Variants in MMRN1 observed in about 807,000 individuals in gnomAD.
The protein encoded by MMRN1 is multimerin 1, also known as multimerin-1.
Under a neutral mutation model 100.7 loss-of-function variants are expected in MMRN1, and 94 were observed. That is an observed-to-expected ratio of 0.93 (90% CI 0.79 to 1.11). The LOEUF is 1.11. Ranked by LOEUF, MMRN1 falls within the 50% of genes least tolerant of loss-of-function variation. MMRN1 has a pLI of 0.00. For synonymous variants in MMRN1, 575 were observed against 505.0 expected (o/e 1.14, Z -1.86); for missense variants, 1,606 against 1,439.1 (o/e 1.12, Z -1.88).
intron 4 of MMRN1, among the ~76,000 whole-genome samples, chr4:89,925,820 C>A (rs1242331272): frequency 6.6e-6 from 1 of 152,114 alleles, no homozygotes; most frequent in Non-Finnish European, 1.5e-5. Context: ...GATAACCATC[C>A]TTGTACTCTC....
chr4:89,915,612 A>G lies in MMRN1; in HGVS notation c.850+3562A>G, dbSNP rs190968405. The stretch of plus-strand genomic sequence containing the variant: ...AATCCATCTAATTAAAAAAAAAAGC[A>G]TCTAATAAGGAAGCTGTTGCTCCTA... On this transcript the variant is annotated intron_variant, in intron 3 of 7. Coordinates refer to ENST00000264790, the MANE Select transcript of MMRN1 (RefSeq NM_007351.3). 2.6e-3 allele frequency among the ~76,000 whole-genome samples: 387 copies of G among 151,554 alleles called. 3 individuals carry two copies. Among genetic ancestry groups the G allele is most frequent in the African/African-American group, 9.1e-3 (375 of 41,434 alleles).
intron 3 of MMRN1, among the ~76,000 whole-genome samples, chr4:89,918,165 A>G (rs931341886): frequency 6.6e-6 from 1 of 150,854 alleles, no homozygotes; most frequent in African/African-American, 2.4e-5. Context: ...CAATTAATAT[A>G]TATTCATTTA....
intron 4 of MMRN1, among the ~76,000 whole-genome samples, chr4:89,927,481 T>C (rs190689103): frequency 2.0e-5 from 3 of 152,192 alleles, no homozygotes; most frequent in Non-Finnish European, 2.9e-5. Context: ...GCAATTTTAC[T>C]GAATTCATTT....
intron 1 of MMRN1, among the ~76,000 whole-genome samples, chr4:89,906,044 G>A (rs1164899412): frequency 6.6e-6 from 1 of 151,406 alleles, no homozygotes; most frequent in Non-Finnish European, 1.5e-5. Context: ...ATTATTTAAA[G>A]CCATCTTTTT....
intron 1 of MMRN1, among the ~76,000 whole-genome samples, chr4:89,905,110 TAA>T (rs1258843440): frequency 2.0e-5 from 3 of 151,600 alleles, no homozygotes; most frequent in African/African-American, 7.3e-5. Context: ...TAAAAAAATA[TAA>T]GACTAACTTT....
At chr4:89,926,373 TG>T (rs76537079) in intron 4 of MMRN1, among the ~76,000 whole-genome samples, 13,952 of 152,244 alleles carry the variant, frequency 0.092, 844 homozygotes, top group East Asian at 0.3. Flanking sequence ...GTTTCTCTGA[TG>T]ATCAGTTATG....
Position 89,934,910 on chromosome 4 carries a change from C to T in MMRN1, c.1230C>T (p.Phe410=). Residue 410 remains phenylalanine, a synonymous_variant, in exon 6 of 8, where the codon TTC becomes TTT. Transcript: ENST00000264790. ...NDMQETVAQL[F]KTVSSLSEDL... is the part of the protein sequence containing the mutation. ...TGCAAGAGACTGTAGCACAGCTCTT[C>T]AAGACTGTATCAAGTCTATCAGAGG... 1 of 1,612,926 alleles carries T rather than the reference C, an allele frequency of 6.2e-7. No individual in the cohort carries two copies. The highest frequency in any genetic ancestry group is 8.5e-7 in the Non-Finnish European group (1 of 1,179,346).
chr4:89,934,695 A>G (rs942998035), intron 5 of MMRN1, 115 bp from the exon 6 acceptor site: 1 of 515,820 alleles, frequency 1.9e-6, no homozygotes, highest in African/African-American at 2.0e-5. Context: ...TGTAGTTAAG[A>G]GGTATTTTTA....
chr4:89,930,125 T>C (rs1307761958), intron 5 of MMRN1, among the ~76,000 whole-genome samples: 1 of 152,168 alleles, frequency 6.6e-6, no homozygotes, highest in African/African-American at 2.4e-5. Flanking sequence ...TAAAATGATG[T>C]GCCCACTCAA....
At chr4:89,925,874 T>C (rs1199425004) in intron 4 of MMRN1, among the ~76,000 whole-genome samples, 3 of 152,162 alleles carry the variant, frequency 2.0e-5, no homozygotes, top group East Asian at 1.9e-4. Context: ...ATCCCACAAA[T>C]ACATGAGAAC....
chr4:89,929,401 A>G (rs1435068705), intron 5 of MMRN1, among the ~76,000 whole-genome samples: 1 of 152,104 alleles, frequency 6.6e-6, no homozygotes, highest in Non-Finnish European at 1.5e-5. Context: ...TCAACCACTA[A>G]AAGAAAGACC....
At chr4:89,905,341 T>A (rs1006731678) in intron 1 of MMRN1, among the ~76,000 whole-genome samples, 4 of 151,552 alleles carry the variant, frequency 2.6e-5, no homozygotes, top group Non-Finnish European at 4.4e-5. Context: ...AAATTAGGAA[T>A]AATATGAATA....
chr4:89,912,606 A>C (rs989483881), intron 3 of MMRN1, among the ~76,000 whole-genome samples: 1 of 150,960 alleles, frequency 6.6e-6, no homozygotes, highest in Non-Finnish European at 1.5e-5. Context: ...AACACATGGT[A>C]ACCCGCTGTG....
chr4:89,920,816 G>T (rs112719780), intron 3 of MMRN1, among the ~76,000 whole-genome samples: 4,091 of 151,254 alleles, frequency 0.027, 92 homozygotes, highest in Non-Finnish European at 0.044. Context: ...TGTTTTTTTT[G>T]TTTGTTTGTT....
intron 1 of MMRN1, among the ~76,000 whole-genome samples, chr4:89,908,212 A>T (rs1721631769): frequency 6.6e-6 from 1 of 151,390 alleles, no homozygotes; most frequent in African/African-American, 2.4e-5. Flanking sequence ...CTAACATCAC[A>T]TATTTTCCCT....
chr4:89,899,182 A>AT (rs1451920457), intron 1 of MMRN1, among the ~76,000 whole-genome samples: 2 of 151,356 alleles, frequency 1.3e-5, no homozygotes, highest in East Asian at 3.9e-4. Flanking sequence ...ATTCTGGCAT[A>AT]TTTTTGTTTC....
At position 89,951,513 on chromosome 4, in the gene MMRN1, C is replaced by A. The variant is rs963777172; in HGVS notation, c.3119-92C>A. ...CCATTTTTCTTACTTAAAATTCAGT[C>A]TTTTTCCTATTCTGCTGCAAACTAC... On this transcript the variant is annotated intron_variant, in intron 6 of 7. Transcript: ENST00000264790. 2.3e-6 allele frequency: 3 copies of A among 1,322,678 alleles called. No homozygotes were observed. In the South Asian group the frequency reaches 5.8e-5, roughly 26 times the overall value. 81.9% of individuals were successfully genotyped at this position (1,322,678 alleles called of 1,614,324 possible). A position where few individuals can be genotyped will look rare whatever the true frequency, so the allele number is the denominator to read the frequency against.
In MMRN1 at chr4:89,935,500, T is replaced by G. The variant is rs1466590270; in HGVS notation, c.1820T>G (p.Leu607Arg). ...TGCAGAAATGATTTTAAATTTCAAC[T>G]TAAGGACACAGAAGAGAATTTACAT... Reference protein sequence around the residue: ...SKCRNDFKFQLKDTEENLHVL... With the variant: ...SKCRNDFKFQRKDTEENLHVL... The change falls in exon 6 of 8, where the codon CTT (leucine) becomes CGT (arginine). Residue 607 changes from leucine (L) to arginine (R), a missense_variant. Coordinates refer to ENST00000264790, the MANE Select transcript of MMRN1 (RefSeq NM_007351.3). 1 of 1,613,450 alleles carries G rather than the reference T, an allele frequency of 6.2e-7. No homozygotes were observed. Among genetic ancestry groups the G allele is most frequent in the Admixed American group, 1.7e-5 (1 of 59,958 alleles).
intron 6 of MMRN1, among the ~76,000 whole-genome samples, chr4:89,946,264 C>T (rs2110651696): frequency 6.6e-6 from 1 of 152,204 alleles, no homozygotes; most frequent in East Asian, 1.9e-4. Context: ...TTGTGTAATG[C>T]TTTCATCTGT....
Sources: gnomAD v4.1 joint callset for allele counts (sites outside exome capture counted in the v4.1 genomes callset) on GRCh38, gnomAD v4.1.1 for gene constraint, MANE v1.5 for transcripts, NCBI Gene and HGNC (gene_info 2026-07-23, HGNC 2026-07-21) for gene names.